DYNC1I2: variants seen among roughly 807,000 people sequenced by gnomAD.
The protein encoded by DYNC1I2 is dynein cytoplasmic 1 intermediate chain 2, also known as cytoplasmic dynein 1 intermediate chain 2.
In DYNC1I2, 53 loss-of-function variants were observed where a neutral mutation model predicts 88.6. The observed-to-expected ratio is 0.60, with a 90% CI of 0.48 to 0.75. The LOEUF (loss-of-function observed/expected upper bound fraction) is 0.75. DYNC1I2 is among the 30% of genes least tolerant of loss of function. The probability of loss-of-function intolerance (pLI) is 0.00; values close to 1 mark genes in which losing one functional copy is unlikely to be tolerated. For missense variants in DYNC1I2, 458 were observed against 766.6 expected, an observed-to-expected ratio of 0.60 and a Z score of 4.75; for synonymous variants, 198 against 254.6, an observed-to-expected ratio of 0.78 and a Z score of 2.12.
At position 171,749,836 on chromosome 2, in the gene DYNC1I2, T is replaced by A. The variant is rs1054383471; in HGVS notation, c.*1947T>A. On this transcript the variant is annotated 3_prime_UTR_variant, in exon 18 of 18. Coordinates refer to ENST00000397119, the MANE Select transcript of DYNC1I2 (RefSeq NM_001378.3). ...ATTACCTTTAAAGTTGACTATATAA[T>A]AGCAAAAGAGAAAGTATTGAGACTG... Among the ~76,000 whole-genome samples the A allele has an allele frequency of 6.6e-6, 1 of 152,016 alleles. No individual in the cohort carries two copies. The highest frequency in any genetic ancestry group is 1.9e-4 in the East Asian group (1 of 5,182).
At chr2:171,694,675 G>T (rs1685633140) in intron 3 of DYNC1I2, among the ~76,000 whole-genome samples, 1 of 151,972 alleles carries the variant, frequency 6.6e-6, no homozygotes, top group South Asian at 2.1e-4. Flanking sequence ...AAGAAAAGAG[G>T]TTTAATTGGC....
chr2:171,707,461 T>C (rs1686770721), intron 5 of DYNC1I2, 84 bp downstream of exon 5: 1 of 1,223,860 alleles, frequency 8.2e-7, no homozygotes, highest in Admixed American at 2.7e-5. Flanking sequence ...GGACTCTAAA[T>C]AGTTGTGTCG....
At position 171,725,598 on chromosome 2, in the gene DYNC1I2, G is replaced by GTT. The variant is rs746910264; in HGVS notation, c.512-5_512-4dup. ...ATTCTGTTTTTTTGTTTTTTTGTTT[G>GTT]TTTTTTTTTTTTTTTTCAGATGAAG... On this transcript the variant is annotated intron_variant, in intron 7 of 17. Transcript: ENST00000397119. 0.011 allele frequency: 9,958 copies of GTT among 889,034 alleles called. 64 individuals carry two copies. The highest frequency in any genetic ancestry group is 0.027 in the South Asian group (1,146 of 42,750). 55.1% of individuals were successfully genotyped at this position (889,034 alleles called of 1,614,324 possible). A position where few individuals can be genotyped will look rare whatever the true frequency, so the allele number is the denominator to read the frequency against.
At chr2:171,716,985 T>C (rs1050819009) in intron 7 of DYNC1I2, among the ~76,000 whole-genome samples, 3 of 152,138 alleles carry the variant, frequency 2.0e-5, no homozygotes, top group African/African-American at 7.2e-5. Context: ...CACTTTTAAC[T>C]ACTCTCCTTT....
chr2:171,692,792 G>A lies in DYNC1I2; in HGVS notation c.124G>A (p.Glu42Lys), dbSNP rs764473164. The change falls in exon 3 of 18, where the codon GAA becomes AAA. Residue 42 changes from glutamate (E) to lysine (K), a missense_variant. This residue lies in a region of DYNC1I2 where 55 missense variants were observed against 57.1 expected (regional missense o/e 0.96). Coordinates refer to ENST00000397119, the MANE Select transcript of DYNC1I2 (RefSeq NM_001378.3). ...AACATTTTAGACAGACCAGAAGAAG[G>A]AAGCTGTTGCTCCTGTGCAAGAAGA... ...RKKKETDQKKEAVAPVQEESD... is the reference protein window; with the variant it reads ...RKKKETDQKKKAVAPVQEESD... The A allele has an allele frequency of 1.2e-6, 2 of 1,604,550 alleles. No individual in the cohort carries two copies. The highest frequency in any genetic ancestry group is 2.3e-5 in the South Asian group (2 of 88,722).
At chr2:171,726,116 A>T in intron 9 of DYNC1I2, 35 bp downstream of exon 9, 1 of 1,560,218 alleles carries the variant, frequency 6.4e-7, no homozygotes, top group Non-Finnish European at 8.6e-7. Context: ...TAGCTTCAAT[A>T]ATGTTAAATT....
Position 171,692,782 on chromosome 2 carries a change from C to G in DYNC1I2, c.114C>G (p.Asp38Glu). 1 of 1,599,636 alleles carries G rather than the reference C, an allele frequency of 6.3e-7. No homozygotes were observed. The highest frequency in any genetic ancestry group is 8.5e-7 in the Non-Finnish European group (1 of 1,173,682). Residue 38 changes from aspartate to glutamate, a missense_variant, in exon 3 of 18, where the codon GAC (aspartate) becomes GAG (glutamate). Coordinates refer to ENST00000397119, the MANE Select transcript of DYNC1I2 (RefSeq NM_001378.3). ...KEEERKKKET[D>E]QKKEAVAPVQ... ...TTTTAACCTAAACATTTTAGACAGA[C>G]CAGAAGAAGGAAGCTGTTGCTCCTG... is the stretch of plus-strand genomic sequence containing the variant.
intron 17 of DYNC1I2, among the ~76,000 whole-genome samples, chr2:171,746,349 A>G (rs1319570773): frequency 3.3e-5 from 5 of 152,196 alleles, no homozygotes; most frequent in African/African-American, 9.7e-5. Context: ...ACTTTATGCA[A>G]TGTGCATCTT....
rs1404526502 is a variant in DYNC1I2, at chr2:171,726,074, A to C, written c.763A>C (p.Lys255Gln). The change falls in exon 9 of 18, where the codon AAA becomes CAA. Residue 255 changes from lysine to glutamine, a missense_variant. Coordinates refer to ENST00000397119, the MANE Select transcript of DYNC1I2 (RefSeq NM_001378.3). ...CTATAGTGGGAGAGATTTGGAAGACAAAGAAGGGTAATGTTTAGTTGCTAA... is the reference window on the plus strand; with the variant it reads ...CTATAGTGGGAGAGATTTGGAAGACCAAGAAGGGTAATGTTTAGTTGCTAA... ...FDYSGRDLED[K>Q]EGEIQAGAKL... The C allele has an allele frequency of 6.3e-7, 1 of 1,574,996 alleles. No individual in the cohort carries two copies. The highest frequency in any genetic ancestry group is 1.4e-5 in the African/African-American group (1 of 73,024).
chr2:171,725,516 T>G, intron 7 of DYNC1I2, 102 bp from the exon 8 acceptor site: 1 of 734,092 alleles, frequency 1.4e-6, no homozygotes, highest in Non-Finnish European at 2.1e-6. Flanking sequence ...TGTGATACCT[T>G]CTGAAATACT....
chr2:171,715,522 T>G lies in DYNC1I2; in HGVS notation c.511+79T>G, dbSNP rs1687428869. On this transcript the variant is annotated intron_variant, in intron 7 of 17. Transcript: ENST00000397119. Reference sequence around the variant, plus strand: ...GATTCTTTTTTTCTTCCTTTGATTTTTGTTTTGTTTCTTTTTTGCTTTTGT... The same window carrying G: ...GATTCTTTTTTTCTTCCTTTGATTTGTGTTTTGTTTCTTTTTTGCTTTTGT... 3.0e-6 allele frequency: 3 copies of G among 1,015,806 alleles called. No homozygotes were observed. The South Asian group carries it at 5.4e-5, about 18-fold the overall frequency. 62.9% of individuals were successfully genotyped at this position (1,015,806 alleles called of 1,614,324 possible).
rs1689959997 is a variant in DYNC1I2, at chr2:171,748,938, A to G, written c.*1049A>G. Among the ~76,000 whole-genome samples, 1 of 152,216 alleles carries G rather than the reference A, an allele frequency of 6.6e-6. No individual in the cohort carries two copies. The highest frequency in any genetic ancestry group is 2.4e-5 in the African/African-American group (1 of 41,462). On this transcript the variant is annotated 3_prime_UTR_variant, in exon 18 of 18. Transcript: ENST00000397119. ...ATTGAAATCAGTGAATTTCAGGAATAGAGGAAAGGACTATGATCAGATCTT... is the reference window on the plus strand; with the variant it reads ...ATTGAAATCAGTGAATTTCAGGAATGGAGGAAAGGACTATGATCAGATCTT...
At chr2:171,709,064 A>G (rs909730866) in intron 5 of DYNC1I2, among the ~76,000 whole-genome samples, 4 of 152,030 alleles carry the variant, frequency 2.6e-5, no homozygotes, top group African/African-American at 7.2e-5. Flanking sequence ...CTTCTACAAC[A>G]TTACCATAGT....
At chr2:171,737,070 A>G (rs1043741124) in intron 15 of DYNC1I2, among the ~76,000 whole-genome samples, 1 of 152,186 alleles carries the variant, frequency 6.6e-6, no homozygotes, top group African/African-American at 2.4e-5. Context: ...AGGTGTTGAC[A>G]GGCTAGTTAC....
At position 171,728,409 on chromosome 2, in the gene DYNC1I2, C is replaced by T; in HGVS notation, c.1248C>T (p.Ser416=). ...GTTCATGGAGTCTGGACATGCTTTC[C>T]CATCCACAGGTGGGTTAAACTTGGG... ...KICSWSLDML[S]HPQDSMELVH... The change falls in exon 13 of 18, where the codon TCC becomes TCT. Residue 416 remains serine, a synonymous_variant. Coordinates refer to ENST00000397119, the MANE Select transcript of DYNC1I2 (RefSeq NM_001378.3). 6.3e-7 allele frequency: 1 copy of T among 1,588,602 alleles called. No individual in the cohort carries two copies. Among genetic ancestry groups the T allele is most frequent in the Non-Finnish European group, 8.6e-7 (1 of 1,166,210 alleles).
rs372491549 is a variant in DYNC1I2 at position 171,748,632 on chromosome 2, T to C, written c.*743T>C. Among the ~76,000 whole-genome samples the C allele has an allele frequency of 4.7e-4, 72 of 152,316 alleles. 1 individual carries two copies. The South Asian group carries it at 0.013, about 27-fold the overall frequency. On this transcript the variant is annotated 3_prime_UTR_variant, in exon 18 of 18. Coordinates refer to ENST00000397119, the MANE Select transcript of DYNC1I2 (RefSeq NM_001378.3). ...TGTTGGTGAAAAAATTTCCCCTAGG[T>C]TAACTTTTGCTTTACTACTTTATAT...
intron 5 of DYNC1I2, among the ~76,000 whole-genome samples, chr2:171,708,463 A>G (rs146166632): frequency 2.6e-5 from 4 of 152,328 alleles, no homozygotes; most frequent in African/African-American, 9.6e-5. Flanking sequence ...GTGCTTTCCA[A>G]ATAGAACCAA....
intron 2 of DYNC1I2, among the ~76,000 whole-genome samples, chr2:171,692,205 G>A (rs1391073866): frequency 6.6e-6 from 1 of 152,082 alleles, no homozygotes. Flanking sequence ...ATAAATAGCC[G>A]AGATAAAAGC....
chr2:171,727,702 T>G, intron 11 of DYNC1I2, 119 bp from the exon 12 acceptor site: 1 of 725,218 alleles, frequency 1.4e-6, no homozygotes, highest in Non-Finnish European at 2.0e-6. Context: ...TTAGTTGTTT[T>G]TATAACCTCT....
Sources: allele counts gnomAD v4.1 joint callset (sites outside exome capture counted in the v4.1 genomes callset), GRCh38; gene constraint gnomAD v4.1.1; regional missense constraint gnomAD v4.1.1; transcripts MANE v1.5; gene names NCBI Gene and HGNC (gene_info 2026-07-23, HGNC 2026-07-21).